GML: variants seen among roughly 807,000 people sequenced by gnomAD.
GML encodes the protein glycosyl-phosphatidylinositol-anchored molecule-like protein.
A neutral mutation model predicts 8.2 loss-of-function variants in GML; 5 were observed. The observed-to-expected ratio is 0.61, with a 90% confidence interval of 0.32 to 1.28. The LOEUF is 1.28. GML is among the 50% of genes most tolerant of loss of function. The pLI is 0.06. For missense variants in GML, 191 were observed against 198.3 expected (o/e 0.96, Z 0.22); for synonymous variants, 72 against 69.0 (o/e 1.04, Z -0.22).
chr8:142,843,273 C>G (rs942584114), intron 3 of GML, among the ~76,000 whole-genome samples: 9 of 151,238 alleles, frequency 6.0e-5, no homozygotes, highest in African/African-American at 2.2e-4. Flanking sequence ...CACACACACA[C>G]ACACACACAC....
At chr8:142,837,963 G>A (rs552114019) in intron 1 of GML, among the ~76,000 whole-genome samples, 1 of 149,060 alleles carries the variant, frequency 6.7e-6, no homozygotes, top group South Asian at 2.1e-4. Context: ...ACGGCACTCT[G>A]GTTTGCATTC....
intron 1 of GML, among the ~76,000 whole-genome samples, chr8:142,836,115 T>C (rs139672412): frequency 6.6e-6 from 1 of 152,346 alleles, no homozygotes; most frequent in East Asian, 1.9e-4. Context: ...TAAGCTGTTC[T>C]AGCAAATTAT....
chr8:142,835,929 A>T (rs553568940), intron 1 of GML, among the ~76,000 whole-genome samples: 1 of 152,178 alleles, frequency 6.6e-6, no homozygotes, highest in South Asian at 2.1e-4. Flanking sequence ...TATGTTATGA[A>T]CTCAATATTT....
At chr8:142,838,210 G>C (rs1816369906) in intron 1 of GML, among the ~76,000 whole-genome samples, 2 of 151,958 alleles carry the variant, frequency 1.3e-5, no homozygotes, top group Middle Eastern at 6.8e-3. Flanking sequence ...TGCATCCCAT[G>C]TAGAAGTGGA....
rs867879835 is a variant in GML at position 142,846,758 on chromosome 8, C to T, written c.*68C>T. ...AGAGAAATGTTGCTCTCCATTATTC[C>T]CTTCTAAGCCAGAGACCCTTATCCA... On this transcript the variant is annotated 3_prime_UTR_variant, in exon 4 of 4. Coordinates refer to ENST00000220940, the MANE Select transcript of GML (RefSeq NM_002066.3). 6 of 1,202,012 alleles carry T rather than the reference C, an allele frequency of 5.0e-6. No homozygotes were observed. In the South Asian group the frequency reaches 8.4e-5, roughly 17 times the overall value. 74.5% of individuals were successfully genotyped at this position (1,202,012 alleles called of 1,614,324 possible).
intron 1 of GML, among the ~76,000 whole-genome samples, chr8:142,838,909 G>T (rs1816382826): frequency 6.6e-6 from 1 of 152,088 alleles, no homozygotes; most frequent in African/African-American, 2.4e-5. Flanking sequence ...GTAGCTCTTG[G>T]GTATTTTCCC....
At chr8:142,837,170 C>T (rs375907250) in intron 1 of GML, among the ~76,000 whole-genome samples, 22,457 of 151,490 alleles carry the variant, frequency 0.15, 2,079 homozygotes, top group East Asian at 0.48. Flanking sequence ...GGCGTGCGCC[C>T]ATAGTCCCAG....
At chr8:142,844,801 A>G (rs114714455) in intron 3 of GML, among the ~76,000 whole-genome samples, 461 of 152,328 alleles carry the variant, frequency 3.0e-3, no homozygotes, top group African/African-American at 0.011. Flanking sequence ...AAGTGTTGTC[A>G]GGGTTCTGAA....
chr8:142,839,269 C>T (rs74345639), intron 1 of GML, among the ~76,000 whole-genome samples: 23,951 of 152,076 alleles, frequency 0.16, 2,309 homozygotes, highest in East Asian at 0.48. Flanking sequence ...TGACAGGCCC[C>T]CAGTCTTGGT....
rs530612949 is a variant in GML, at chr8:142,837,955, G to A, written c.-22-2461G>A. On this transcript the variant is annotated intron_variant, in intron 1 of 3. Coordinates refer to ENST00000220940, the MANE Select transcript of GML (RefSeq NM_002066.3). ...ACTTTGGTTCCCCGTGAGCCAAGAC[G>A]GCACTCTGGTTTGCATTCCCTACTG... Among the ~76,000 whole-genome samples the A allele has an allele frequency of 7.2e-4, 108 of 149,100 alleles. 5 individuals are homozygous for A. The highest frequency in any genetic ancestry group is 2.6e-3 in the African/African-American group (103 of 39,840).
At chr8:142,845,388 T>G (rs2130228596) in intron 3 of GML, among the ~76,000 whole-genome samples, 1 of 152,322 alleles carries the variant, frequency 6.6e-6, no homozygotes, top group Middle Eastern at 3.4e-3. Context: ...GACAATCCAT[T>G]GAGTTGTGGA....
chr8:142,843,175 G>A (rs958910650), intron 3 of GML, among the ~76,000 whole-genome samples: 10 of 150,802 alleles, frequency 6.6e-5, no homozygotes, highest in Non-Finnish European at 1.3e-4. Flanking sequence ...AAGGGGCCTG[G>A]GTATGAGGCA....
chr8:142,841,204 C>G lies in GML; in HGVS notation c.160C>G (p.Arg54Gly), dbSNP rs3764795. Residue 54 changes from arginine to glycine, a missense_variant, in exon 3 of 4, where the codon CGC (arginine) becomes GGC (glycine). Arg to Gly is a moderately radical substitution (Grantham distance 125). Coordinates refer to ENST00000220940, the MANE Select transcript of GML (RefSeq NM_002066.3). ...NIRVCPYHIR[R>G]CMTISIRINS... is the part of the protein sequence containing the mutation. ...TAGAGTATGTCCGTATCATATTAGGCGCTGTATGACAATCTCCATTCGTAA... is the reference window on the plus strand; with the variant it reads ...TAGAGTATGTCCGTATCATATTAGGGGCTGTATGACAATCTCCATTCGTAA... 6.6e-7 allele frequency: 1 copy of G among 1,508,860 alleles called. No individual in the cohort carries two copies. Among genetic ancestry groups the G allele is most frequent in the Non-Finnish European group, 9.2e-7 (1 of 1,084,972 alleles). 93.5% of individuals were successfully genotyped at this position (1,508,860 alleles called of 1,614,324 possible). A position where few individuals can be genotyped will look rare whatever the true frequency, so the allele number is the denominator to read the frequency against.
At position 142,846,642 on chromosome 8, in the gene GML, A is replaced by G. The variant is rs752519280; in HGVS notation, c.429A>G (p.Lys143=). 3 of 1,614,110 alleles carry G rather than the reference A, an allele frequency of 1.9e-6. No individual in the cohort carries two copies. The highest frequency in any genetic ancestry group is 3.3e-5 in the Admixed American group (2 of 60,016). The change falls in exon 4 of 4, where the codon AAA becomes AAG. Residue 143 remains lysine (K), a synonymous_variant. Coordinates refer to ENST00000220940, the MANE Select transcript of GML (RefSeq NM_002066.3). ...PEGTVRLGVS[K]LLLSFASIIV... is the part of the protein sequence containing the mutation. Reference sequence around the variant, plus strand: ...GAACTGTGAGGCTGGGGGTATCAAAACTGTTGCTGAGTTTTGCCTCTATCA... The same window carrying G: ...GAACTGTGAGGCTGGGGGTATCAAAGCTGTTGCTGAGTTTTGCCTCTATCA...
intron 1 of GML, among the ~76,000 whole-genome samples, chr8:142,837,709 C>T (rs552338496): frequency 1.4e-5 from 2 of 145,382 alleles, no homozygotes; most frequent in African/African-American, 5.1e-5. Flanking sequence ...TGAACCTCAT[C>T]CCACACACCT....
At chr8:142,844,875 C>T (rs1211747757) in intron 3 of GML, among the ~76,000 whole-genome samples, 1 of 152,150 alleles carries the variant, frequency 6.6e-6, no homozygotes, top group Non-Finnish European at 1.5e-5. Context: ...TCGATGTTGT[C>T]GGCTAAAGCT....
At chr8:142,835,774 C>T (rs1173850036) in intron 1 of GML, among the ~76,000 whole-genome samples, 1 of 152,192 alleles carries the variant, frequency 6.6e-6, no homozygotes, top group Non-Finnish European at 1.5e-5. Context: ...AAACTGCATT[C>T]GGCTCTGAAG....
At chr8:142,836,089 G>C (rs768900462) in intron 1 of GML, among the ~76,000 whole-genome samples, 6 of 152,222 alleles carry the variant, frequency 3.9e-5, no homozygotes, top group Non-Finnish European at 5.9e-5. Flanking sequence ...TAAGTAAACT[G>C]TTTTCTTGTG....
intron 3 of GML, among the ~76,000 whole-genome samples, chr8:142,844,028 G>A (rs367985233): frequency 1.5e-4 from 23 of 152,204 alleles, no homozygotes; most frequent in African/African-American, 5.5e-4. Flanking sequence ...AACCAAAGCA[G>A]TCTTGGGGAA....
Sources: allele counts gnomAD v4.1 joint callset (sites outside exome capture counted in the v4.1 genomes callset), GRCh38; gene constraint gnomAD v4.1.1; transcripts MANE v1.5; gene names NCBI Gene and HGNC (gene_info 2026-07-23, HGNC 2026-07-21).